The following KCTD16 variants were observed in gnomAD, a reference collection of about 807,000 sequenced individuals.
KCTD16 encodes the protein potassium channel tetramerization domain containing 16, also known as BTB/POZ domain-containing protein KCTD16.
In KCTD16, 13 loss-of-function variants were observed where a neutral mutation model predicts 33.2. The ratio of observed to expected loss-of-function variants is 0.39; its 90% CI spans 0.25 to 0.62. The LOEUF (loss-of-function observed/expected upper bound fraction) is 0.62, where lower values mean the gene tolerates loss of function less well. Among genes scored for constraint, KCTD16 ranks in the 20% least tolerant of loss-of-function variants. The pLI is 0.50. For synonymous variants in KCTD16, 197 were observed against 195.3 expected (o/e 1.01, Z -0.07); for missense variants, 441 against 525.1 (o/e 0.84, Z 1.57).
intron 3 of KCTD16, among the ~76,000 whole-genome samples, chr5:144,264,990 T>C (rs1041833386): frequency 6.6e-6 from 1 of 152,202 alleles, no homozygotes; most frequent in Non-Finnish European, 1.5e-5. Flanking sequence ...CTTGGGAAAT[T>C]TGGCATTTAA....
chr5:144,456,534 A>G (rs1001087840), intron 3 of KCTD16, among the ~76,000 whole-genome samples: 1 of 152,196 alleles, frequency 6.6e-6, no homozygotes, highest in African/African-American at 2.4e-5. Context: ...CATTAGGGCC[A>G]TCTGACAGTG....
chr5:144,366,520 C>A (rs1374035453), intron 3 of KCTD16, among the ~76,000 whole-genome samples: 2 of 152,028 alleles, frequency 1.3e-5, no homozygotes, highest in South Asian at 2.1e-4. Flanking sequence ...TTTGGAATTC[C>A]AAAACCTGGA....
intron 3 of KCTD16, among the ~76,000 whole-genome samples, chr5:144,359,780 A>C (rs1751662288): frequency 6.6e-6 from 1 of 151,888 alleles, no homozygotes; most frequent in Non-Finnish European, 1.5e-5. Flanking sequence ...CCAAAGCTAA[A>C]AAAACCCTGA....
intron 3 of KCTD16, among the ~76,000 whole-genome samples, chr5:144,244,281 A>G (rs533250694): frequency 3.3e-5 from 5 of 152,320 alleles, no homozygotes; most frequent in African/African-American, 9.6e-5. Context: ...TGATTATGAC[A>G]TACTGAGTTA....
intron 2 of KCTD16, among the ~76,000 whole-genome samples, chr5:144,203,809 G>T (rs1753099017): frequency 6.6e-6 from 1 of 152,134 alleles, no homozygotes; most frequent in Non-Finnish European, 1.5e-5. Flanking sequence ...TGTTGTCATG[G>T]TGAGCAGTGC....
intron 3 of KCTD16, among the ~76,000 whole-genome samples, chr5:144,423,601 AG>A (rs1431309792): frequency 1.3e-5 from 2 of 152,184 alleles, no homozygotes; most frequent in Non-Finnish European, 2.9e-5. Context: ...TACAATGCAC[AG>A]GACAACCTCT....
chr5:144,386,742 G>A (rs1470096487), intron 3 of KCTD16, among the ~76,000 whole-genome samples: 1 of 152,128 alleles, frequency 6.6e-6, no homozygotes, highest in African/African-American at 2.4e-5. Context: ...ATTCCAGAGT[G>A]CTTTGATGGT....
At chr5:144,299,140 ATATATATATTTTTTTTTT>A (rs1751338278) in intron 3 of KCTD16, among the ~76,000 whole-genome samples, 2 of 27,032 alleles carry the variant, frequency 7.4e-5, no homozygotes, top group African/African-American at 7.4e-4. Flanking sequence ...ATATATATAT[ATATATATATTTTTTTTTT>A]TTTTTTTAAC....
At chr5:144,237,946 C>T (rs1284843800) in intron 3 of KCTD16, among the ~76,000 whole-genome samples, 3 of 152,152 alleles carry the variant, frequency 2.0e-5, no homozygotes, top group Admixed American at 2.0e-4. Context: ...CAGTTTGGTC[C>T]TCTTCTCAGA....
At chr5:144,465,187 C>A (rs1010259009) in intron 3 of KCTD16, among the ~76,000 whole-genome samples, 1 of 111,820 alleles carries the variant, frequency 8.9e-6, no homozygotes, top group Non-Finnish European at 1.8e-5. Flanking sequence ...TCTCTCCCCC[C>A]CCTCTCTCTC....
chr5:144,449,810 AC>A (rs1465436796), intron 3 of KCTD16, among the ~76,000 whole-genome samples: 2 of 152,024 alleles, frequency 1.3e-5, no homozygotes, highest in African/African-American at 4.8e-5. Flanking sequence ...CTTAAAGTGG[AC>A]TATACTTAAA....
At chr5:144,417,391 T>A (rs1580946809) in intron 3 of KCTD16, among the ~76,000 whole-genome samples, 1 of 152,270 alleles carries the variant, frequency 6.6e-6, no homozygotes, top group African/African-American at 2.4e-5. Flanking sequence ...CATCTTTTTA[T>A]GTGTTTGTTG....
chr5:144,351,850 G>A (rs1209282373), intron 3 of KCTD16, among the ~76,000 whole-genome samples: 1 of 152,098 alleles, frequency 6.6e-6, no homozygotes, highest in Non-Finnish European at 1.5e-5. Flanking sequence ...AAGTCAAACA[G>A]AGAGTAGAAT....
At chr5:144,185,800 A>C (rs1276844653) in intron 2 of KCTD16, among the ~76,000 whole-genome samples, 5 of 152,210 alleles carry the variant, frequency 3.3e-5, no homozygotes, top group Non-Finnish European at 7.4e-5. Flanking sequence ...GAGTAATAAA[A>C]AGATAATAAC....
At chr5:144,177,546 A>G (rs1752533450) in intron 2 of KCTD16, among the ~76,000 whole-genome samples, 1 of 152,094 alleles carries the variant, frequency 6.6e-6, no homozygotes, top group Non-Finnish European at 1.5e-5. Flanking sequence ...TGGTGCTTTG[A>G]AAGCAATCTT....
At chr5:144,316,752 A>G (rs1048334254) in intron 3 of KCTD16, among the ~76,000 whole-genome samples, 7 of 150,212 alleles carry the variant, frequency 4.7e-5, no homozygotes, top group Admixed American at 4.6e-4. Flanking sequence ...ACCTCAGGTG[A>G]TCTGTCCATC....
rs116153302 is a variant in KCTD16, at chr5:144,193,901, T to C, written c.-326-12488T>C. 4.0e-3 allele frequency among the ~76,000 whole-genome samples: 616 copies of C among 152,268 alleles called. 2 individuals carry two copies. The highest frequency in any genetic ancestry group is 0.014 in the African/African-American group (598 of 41,554). ...GAGGGATCAGATGATGGATTTTCACTTGGACTGAGAAACCTGTGATGCTCT... is the reference window on the plus strand; with the variant it reads ...GAGGGATCAGATGATGGATTTTCACCTGGACTGAGAAACCTGTGATGCTCT... On this transcript the variant is annotated intron_variant, in intron 2 of 3. Coordinates refer to ENST00000512467, the MANE Select transcript of KCTD16 (RefSeq NM_020768.4).
At chr5:144,397,574 T>G (rs954317893) in intron 3 of KCTD16, among the ~76,000 whole-genome samples, 1 of 152,128 alleles carries the variant, frequency 6.6e-6, no homozygotes, top group Admixed American at 6.6e-5. Flanking sequence ...TTTCTCCACA[T>G]CCTCTCCAGC....
At chr5:144,176,103 A>G (rs1752500064) in intron 2 of KCTD16, among the ~76,000 whole-genome samples, 1 of 152,202 alleles carries the variant, frequency 6.6e-6, no homozygotes, top group East Asian at 1.9e-4. Flanking sequence ...GTATTGTCTT[A>G]AGAACCGCCT....
Sources: gnomAD v4.1 joint callset for allele counts (sites outside exome capture counted in the v4.1 genomes callset) on GRCh38, gnomAD v4.1.1 for gene constraint, MANE v1.5 for transcripts, NCBI Gene and HGNC (gene_info 2026-07-23, HGNC 2026-07-21) for gene names.